FBXO17: variants seen among roughly 807,000 people sequenced by gnomAD.
The protein encoded by FBXO17 is F-box protein 17, also known as F-box only protein 17.
A neutral mutation model predicts 34.1 loss-of-function variants in FBXO17; 43 were observed. That is an observed-to-expected ratio of 1.26 (90% CI 0.99 to 1.62). FBXO17 has a LOEUF of 1.62. Among genes scored for constraint, FBXO17 ranks in the 40% most tolerant of loss-of-function variants. The pLI, the probability that FBXO17 is intolerant of heterozygous loss-of-function variation, is 0.00. For synonymous variants in FBXO17, 169 were observed against 166.0 expected (o/e 1.02, Z -0.14); for missense variants, 424 against 386.7 (o/e 1.10, Z -0.81).
chr19:38,961,292 T>TTTTTTGAGA (rs1975246501), intron 1 of FBXO17, among the ~76,000 whole-genome samples: 1 of 151,574 alleles, frequency 6.6e-6, no homozygotes, highest in African/African-American at 2.4e-5. Context: ...CTTTTTTTTT[T>TTTTTTGAGA]TGAGATGGCG....
chr19:38,953,531 C>T (rs897797259), intron 1 of FBXO17, among the ~76,000 whole-genome samples: 6 of 151,742 alleles, frequency 4.0e-5, no homozygotes, highest in African/African-American at 1.2e-4. Context: ...GGTGTGGTGG[C>T]GCACCTGTAA....
rs149927565 is a variant in FBXO17, at chr19:38,959,255, C to T, written c.-17-8919G>A. On this transcript the variant is annotated intron_variant, in intron 1 of 5. Coordinates refer to ENST00000292852, the MANE Select transcript of FBXO17 (RefSeq NM_024907.7). The stretch of plus-strand genomic sequence containing the variant: ...TGGATCATAAAAGAGTATGCAGCCT[C>T]TGCCTGTCTTTCTTTCTTTCTTTCT... Among the ~76,000 whole-genome samples the T allele has an allele frequency of 5.0e-3, 725 of 146,010 alleles. 5 individuals carry two copies. Among genetic ancestry groups the T allele is most frequent in the African/African-American group, 0.017 (648 of 38,866 alleles).
intron 1 of FBXO17, among the ~76,000 whole-genome samples, chr19:38,955,484 CT>C (rs1223708955): frequency 8.3e-4 from 111 of 133,686 alleles, no homozygotes; most frequent in East Asian, 1.2e-3. Flanking sequence ...TTCTTTCTTT[CT>C]TTTTTTTTTT....
intron 1 of FBXO17, among the ~76,000 whole-genome samples, chr19:38,959,717 C>A (rs1231274255): frequency 6.6e-6 from 1 of 151,894 alleles, no homozygotes; most frequent in Non-Finnish European, 1.5e-5. Flanking sequence ...ACAGTGAAAC[C>A]CCATCTCTAA....
At chr19:38,952,616 C>T (rs200673414) in intron 1 of FBXO17, 2 of 534,456 alleles carry the variant, frequency 3.7e-6, no homozygotes, top group Admixed American at 3.9e-5. Context: ...TGACTCCTCT[C>T]TTCTCCCTAA....
At chr19:38,967,030 T>C (rs1334924252) in intron 1 of FBXO17, among the ~76,000 whole-genome samples, 1 of 152,176 alleles carries the variant, frequency 6.6e-6, no homozygotes, top group Non-Finnish European at 1.5e-5. Context: ...CTATGATTCA[T>C]AAAAGAAAAA....
At chr19:38,962,768 G>A (rs1020382966) in intron 1 of FBXO17, among the ~76,000 whole-genome samples, 1 of 151,600 alleles carries the variant, frequency 6.6e-6, no homozygotes, top group Non-Finnish European at 1.5e-5. Flanking sequence ...CCAGGCTGGA[G>A]TGCAGTGGCA....
intron 1 of FBXO17, among the ~76,000 whole-genome samples, chr19:38,954,579 T>TG: frequency 8.2e-6 from 1 of 121,890 alleles, no homozygotes; most frequent in African/African-American, 3.4e-5. Context: ...CGAGAATGTG[T>TG]TTTTTTTTTT....
At position 38,942,462 on chromosome 19, in the gene FBXO17, A is replaced by G. The variant is rs1391915227; in HGVS notation, c.*146T>C. The G allele has an allele frequency of 2.6e-6, 2 of 775,100 alleles. No individual in the cohort carries two copies. Among genetic ancestry groups the G allele is most frequent in the African/African-American group, 1.9e-5 (1 of 53,984 alleles). 48.0% of individuals were successfully genotyped at this position (775,100 alleles called of 1,614,324 possible). Reference sequence around the variant, plus strand: ...AATTATTTGTGGAGACGGTTTCACTATGTTGCCCAGGCTGGTCTTGAACTC... The same window carrying G: ...AATTATTTGTGGAGACGGTTTCACTGTGTTGCCCAGGCTGGTCTTGAACTC... On this transcript the variant is annotated 3_prime_UTR_variant, in exon 6 of 6. Transcript: ENST00000292852.
intron 1 of FBXO17, among the ~76,000 whole-genome samples, chr19:38,970,119 G>A (rs566446733): frequency 1.3e-5 from 2 of 150,958 alleles, no homozygotes; most frequent in African/African-American, 2.4e-5. Context: ...TACAAATATT[G>A]CAAATACAAA....
intron 1 of FBXO17, among the ~76,000 whole-genome samples, chr19:38,952,080 A>T (rs563509354): frequency 6.6e-6 from 1 of 152,240 alleles, no homozygotes; most frequent in Non-Finnish European, 1.5e-5. Context: ...CCTCCCAAGT[A>T]GCTGGAATTA....
rs1974902414 is a variant in FBXO17 at position 38,942,442 on chromosome 19, T to C, written c.*166A>G. 3.2e-6 allele frequency: 2 copies of C among 624,592 alleles called. No individual in the cohort carries two copies. Among genetic ancestry groups the C allele is most frequent in the Admixed American group, 8.8e-5 (2 of 22,844 alleles). 38.7% of individuals were successfully genotyped at this position (624,592 alleles called of 1,614,324 possible). A position where few individuals can be genotyped will look rare whatever the true frequency, so the allele number is the denominator to read the frequency against. On this transcript the variant is annotated 3_prime_UTR_variant, in exon 6 of 6. Coordinates refer to ENST00000292852, the MANE Select transcript of FBXO17 (RefSeq NM_024907.7). Reference sequence around the variant, plus strand: ...TGCCTGGCTAATTTTTTAAAAATTATTTGTGGAGACGGTTTCACTATGTTG... The same window carrying C: ...TGCCTGGCTAATTTTTTAAAAATTACTTGTGGAGACGGTTTCACTATGTTG...
rs568737351 is a variant in FBXO17, at chr19:38,968,486, T to TAA, written c.-18+7098_-18+7099dup. Among the ~76,000 whole-genome samples the TAA allele has an allele frequency of 1.6e-4, 20 of 128,742 alleles. No individual in the cohort carries two copies. In the South Asian group the frequency reaches 3.8e-3, roughly 25 times the overall value. 84.5% of individuals were successfully genotyped at this position (128,742 alleles called of 152,430 possible). A position where few individuals can be genotyped will look rare whatever the true frequency, so the allele number is the denominator to read the frequency against. On this transcript the variant is annotated intron_variant, in intron 1 of 5. Transcript: ENST00000292852. ...GGGAGACAGAATAAGAGCCTGTCTC[T>TAA]AAAAAAAAAAAAAAATTAAAAAAAA...
intron 4 of FBXO17, chr19:38,945,959 A>G (rs1974976988): frequency 5.5e-6 from 1 of 180,426 alleles, no homozygotes; most frequent in South Asian, 1.1e-4. Context: ...ACTTCAGGGA[A>G]GAGCCAGAGC....
intron 2 of FBXO17, among the ~76,000 whole-genome samples, chr19:38,949,416 TAGAGAC>T (rs1975036632): frequency 6.6e-6 from 1 of 152,016 alleles, no homozygotes; most frequent in Non-Finnish European, 1.5e-5. Context: ...TTAAATTTTT[TAGAGAC>T]AGAGTCTCAC....
At position 38,950,199 on chromosome 19, in the gene FBXO17, G is replaced by A. The variant is rs1379262820; in HGVS notation, c.121C>T (p.Arg41Ter). 6.4e-7 allele frequency: 1 copy of A among 1,553,840 alleles called. No homozygotes were observed. The highest frequency in any genetic ancestry group is 8.6e-7 in the Non-Finnish European group (1 of 1,156,974). ...CAGGCGCGGCACACTGGGCGGCATC[G>A]CGTGACCAAGGAGCGTGGCGGCACG... ...SHVPPRSLVT[R>*]CRPVCRAWRD... The change falls in exon 2 of 6, where the codon CGA becomes TGA. Residue 41 changes from arginine to a stop codon, truncating the protein, a stop_gained. Coordinates refer to ENST00000292852, the MANE Select transcript of FBXO17 (RefSeq NM_024907.7). LOFTEE classifies it high-confidence loss of function.
chr19:38,954,353 T>A (rs984844541), intron 1 of FBXO17, among the ~76,000 whole-genome samples: 8 of 152,050 alleles, frequency 5.3e-5, no homozygotes, highest in Non-Finnish European at 1.2e-4. Flanking sequence ...CACTGCAACC[T>A]CCACCTCCTG....
intron 5 of FBXO17, among the ~76,000 whole-genome samples, chr19:38,943,284 T>G (rs968941339): frequency 1.3e-5 from 2 of 152,060 alleles, no homozygotes; most frequent in Non-Finnish European, 2.9e-5. Context: ...ATTTATTTAT[T>G]TATTTTTGAG....
chr19:38,953,480 T>A (rs911975944), intron 1 of FBXO17, among the ~76,000 whole-genome samples: 1 of 151,736 alleles, frequency 6.6e-6, no homozygotes, highest in Non-Finnish European at 1.5e-5. Flanking sequence ...CTGGCTAACA[T>A]AGTGAAACCC....
Sources: allele counts gnomAD v4.1 joint callset (sites outside exome capture counted in the v4.1 genomes callset), GRCh38; gene constraint gnomAD v4.1.1; transcripts MANE v1.5; gene names NCBI Gene and HGNC (gene_info 2026-07-23, HGNC 2026-07-21).